The following FBXL4 variants were observed in gnomAD, a reference collection of about 807,000 sequenced individuals.
The protein encoded by FBXL4 is F-box/LRR-repeat protein 4.
A neutral mutation model predicts 58.9 loss-of-function variants in FBXL4; 40 were observed. The observed-to-expected ratio is 0.68, with a 90% CI of 0.53 to 0.88. The LOEUF (loss-of-function observed/expected upper bound fraction) is 0.88. Ranked by LOEUF, FBXL4 falls within the 40% of genes least tolerant of loss-of-function variation. FBXL4 has a pLI of 0.00. For missense variants in FBXL4, 676 were observed against 734.4 expected, an observed-to-expected ratio of 0.92 and a Z score of 0.92; for synonymous variants, 263 against 265.5, an observed-to-expected ratio of 0.99 and a Z score of 0.09.
chr6:98,917,620 A>G lies in FBXL4; in HGVS notation c.612T>C (p.Leu204=), dbSNP rs1191287995. 1 of 1,614,030 alleles carries G rather than the reference A, an allele frequency of 6.2e-7. No homozygotes were observed. The highest frequency in any genetic ancestry group is 8.5e-7 in the Non-Finnish European group (1 of 1,179,906). The change falls in exon 5 of 10, where the codon CTT becomes CTC. Residue 204 remains leucine, a synonymous_variant. Transcript: ENST00000369244. Reference sequence around the variant, plus strand: ...GAGAACTATTTACTTCCAGTCGTATAAGATTTGTGGGGAAATTTATCTGCT... The same window carrying G: ...GAGAACTATTTACTTCCAGTCGTATGAGATTTGTGGGGAAATTTATCTGCT... ...CIKQINFPTN[L]IRLEVNSSLL... is the part of the protein sequence containing the mutation.
At chr6:98,902,174 AGAG>A (rs1375436199) in intron 6 of FBXL4, among the ~76,000 whole-genome samples, 4 of 152,202 alleles carry the variant, frequency 2.6e-5, no homozygotes, top group African/African-American at 9.6e-5. Context: ...GAAGTATAAA[AGAG>A]AAGAATTAGA....
intron 1 of FBXL4, among the ~76,000 whole-genome samples, chr6:98,936,708 T>A (rs910560978): frequency 6.6e-6 from 1 of 152,196 alleles, no homozygotes; most frequent in African/African-American, 2.4e-5. Flanking sequence ...ATTAACCAAC[T>A]GTATATGTTA....
rs201858974 is a variant in FBXL4, at chr6:98,917,705, C to G, written c.527G>C (p.Trp176Ser). ...PPAEVRWEIL[W>S]SERPTKVNAS... The stretch of plus-strand genomic sequence containing the variant: ...ATTCACCTTCGTAGGTCTCTCTGAC[C>G]AAAGAATCTCCCATCTGCCAAAAAA... Residue 176 changes from tryptophan (W) to serine (S), a missense_variant, in exon 5 of 10, where the codon TGG becomes TCG. Physicochemically the swap from Trp to Ser is radical, Grantham distance 177 (BLOSUM62 -3). Transcript: ENST00000369244. The G allele has an allele frequency of 1.2e-4, 197 of 1,592,802 alleles. No homozygotes were observed. The highest frequency in any genetic ancestry group is 8.8e-5 in the Non-Finnish European group (103 of 1,171,306).
intron 7 of FBXL4, among the ~76,000 whole-genome samples, chr6:98,886,985 A>T (rs374346302): frequency 6.6e-6 from 1 of 152,226 alleles, no homozygotes; most frequent in Non-Finnish European, 1.5e-5. Flanking sequence ...GTGGTGGCTC[A>T]CGCCTATAAT....
At chr6:98,906,449 G>A (rs888463789) in intron 5 of FBXL4, among the ~76,000 whole-genome samples, 1 of 151,210 alleles carries the variant, frequency 6.6e-6, no homozygotes, top group Non-Finnish European at 1.5e-5. Flanking sequence ...GTGTTAGTTT[G>A]CTGAGAATGA....
chr6:98,922,512 T>C (rs906784692), intron 4 of FBXL4, among the ~76,000 whole-genome samples: 1 of 152,232 alleles, frequency 6.6e-6, no homozygotes, highest in African/African-American at 2.4e-5. Flanking sequence ...CAGTAGTACA[T>C]GACGGAGTTT....
Position 98,874,004 on chromosome 6 carries a change from T to C in FBXL4, c.*274A>G, listed in dbSNP as rs1025018280. ...AAGTTAGCATGATTCCATGTTATTC[T>C]TTTATCAATCATATTATTGACTAAA... is the stretch of plus-strand genomic sequence containing the variant. On this transcript the variant is annotated 3_prime_UTR_variant, in exon 10 of 10. Coordinates refer to ENST00000369244, the MANE Select transcript of FBXL4 (RefSeq NM_001278716.2). 2.9e-5 allele frequency: 7 copies of C among 238,738 alleles called. No homozygotes were observed. Among genetic ancestry groups the C allele is most frequent in the African/African-American group, 1.6e-4 (7 of 44,668 alleles). 14.8% of individuals were successfully genotyped at this position (238,738 alleles called of 1,614,324 possible).
intron 6 of FBXL4, 91 bp downstream of exon 6, chr6:98,905,335 T>A: frequency 1.4e-6 from 2 of 1,428,346 alleles, no homozygotes; most frequent in Non-Finnish European, 1.9e-6. Context: ...ACATGTTACA[T>A]AATTTCAAAC....
chr6:98,914,577 A>T (rs1772255105), intron 5 of FBXL4, among the ~76,000 whole-genome samples: 1 of 152,190 alleles, frequency 6.6e-6, no homozygotes, highest in Non-Finnish European at 1.5e-5. Context: ...CCACATGATT[A>T]TCTCAATAGA....
chr6:98,902,751 A>G (rs1390650075), intron 6 of FBXL4, among the ~76,000 whole-genome samples: 1 of 152,114 alleles, frequency 6.6e-6, no homozygotes, highest in Non-Finnish European at 1.5e-5. Flanking sequence ...TAAGTTCCAA[A>G]GCACAAACAG....
At chr6:98,874,574 A>C (rs985943832) in intron 9 of FBXL4, 133 bp from the exon 10 acceptor site, 3 of 1,039,810 alleles carry the variant, frequency 2.9e-6, no homozygotes, top group Non-Finnish European at 4.0e-6. Context: ...AATTAAAATC[A>C]TTTTTTCAAA....
At chr6:98,937,466 C>T (rs1413251191) in intron 1 of FBXL4, among the ~76,000 whole-genome samples, 1 of 152,010 alleles carries the variant, frequency 6.6e-6, no homozygotes, top group Non-Finnish European at 1.5e-5. Context: ...GTACTGTTAA[C>T]AAAATCATAA....
intron 7 of FBXL4, chr6:98,898,182 T>C (rs1771472638): frequency 1.7e-5 from 9 of 524,934 alleles, no homozygotes; most frequent in Non-Finnish European, 2.2e-5. Context: ...AGGGCAGCCA[T>C]AATGAGCTAG....
intron 4 of FBXL4, among the ~76,000 whole-genome samples, chr6:98,918,102 T>C (rs1183147299): frequency 3.3e-5 from 5 of 152,154 alleles, no homozygotes. Flanking sequence ...AACTGATCAT[T>C]TTGCTTCACA....
chr6:98,901,923 A>G (rs1400254931), intron 6 of FBXL4, among the ~76,000 whole-genome samples: 1 of 152,170 alleles, frequency 6.6e-6, no homozygotes, highest in African/African-American at 2.4e-5. Flanking sequence ...TGAAGGTTTT[A>G]TGAGAGGACC....
intron 9 of FBXL4, 75 bp downstream of exon 9, chr6:98,875,340 T>G: frequency 6.6e-7 from 1 of 1,509,604 alleles, no homozygotes; most frequent in African/African-American, 1.4e-5. Flanking sequence ...TTCTTTTTCC[T>G]AACAAAAAGT....
chr6:98,940,407 G>C (rs921275409), intron 1 of FBXL4, among the ~76,000 whole-genome samples: 1 of 152,146 alleles, frequency 6.6e-6, no homozygotes, highest in Non-Finnish European at 1.5e-5. Flanking sequence ...AGTGGCTGTA[G>C]CATTTTACAT....
In FBXL4 at chr6:98,911,351, G is replaced by T. The variant is rs1270995724; in HGVS notation, c.859-5681C>A. Among the ~76,000 whole-genome samples the T allele has an allele frequency of 2.6e-4, 39 of 152,292 alleles. No individual in the cohort carries two copies. The South Asian group carries it at 4.6e-3, about 18-fold the overall frequency. ...GTGGTTCTCCCAGCACGCAGCTGGAGATCTGAGAACGGGCAGACTGCCTCC... is the reference window on the plus strand; with the variant it reads ...GTGGTTCTCCCAGCACGCAGCTGGATATCTGAGAACGGGCAGACTGCCTCC... On this transcript the variant is annotated intron_variant, in intron 5 of 9. Coordinates refer to ENST00000369244, the MANE Select transcript of FBXL4 (RefSeq NM_001278716.2).
Position 98,869,837 on chromosome 6 carries a change from T to C in FBXL4, c.*4441A>G, listed in dbSNP as rs1246250229. 1.3e-5 allele frequency: 2 copies of C among 152,212 alleles called. No individual in the cohort carries two copies. Among genetic ancestry groups the C allele is most frequent in the African/African-American group, 4.8e-5 (2 of 41,456 alleles). The allele number at this position is 152,212 out of a possible 1,614,324, so 9.4% of individuals were successfully genotyped here. A position where few individuals can be genotyped will look rare whatever the true frequency, so the allele number is the denominator to read the frequency against. On this transcript the variant is annotated 3_prime_UTR_variant, in exon 10 of 10. Transcript: ENST00000369244. ...ACATATTGGCTCAAAAGTAAGCACC[T>C]GAATATTAATTGTCTACATTTTGTA...
Sources: allele counts gnomAD v4.1 joint callset (sites outside exome capture counted in the v4.1 genomes callset), GRCh38; gene constraint gnomAD v4.1.1; transcripts MANE v1.5; gene names NCBI Gene and HGNC (gene_info 2026-07-23, HGNC 2026-07-21).